KCNN2: variants seen among roughly 807,000 people sequenced by gnomAD.
KCNN2 encodes potassium calcium-activated channel subfamily N member 2.
A neutral mutation model predicts 55.5 loss-of-function variants in KCNN2; 24 were observed. The ratio of observed to expected loss-of-function variants is 0.43; its 90% CI spans 0.31 to 0.61. KCNN2 has a LOEUF of 0.61. KCNN2 is among the 20% of genes least tolerant of loss of function. The probability of loss-of-function intolerance (pLI) is 0.08; values close to 1 mark genes in which losing one functional copy is unlikely to be tolerated. For missense variants in KCNN2, 754 were observed against 853.6 expected (o/e 0.88, Z 1.45); for synonymous variants, 431 against 336.1 (o/e 1.28, Z -3.09).
In KCNN2 at chr5:114,471,626, G is replaced by A. The variant is rs1461901984; in HGVS notation, c.1780-1428G>A. Among the ~76,000 whole-genome samples, 5 of 152,148 alleles carry A rather than the reference G, an allele frequency of 3.3e-5. No homozygotes were observed. In the South Asian group the frequency reaches 8.3e-4, roughly 25 times the overall value. ...AATAATCATTTACTCTGCTTTAGTT[G>A]TCTCATCTCTAAAATCAGAAGGCTA... On this transcript the variant is annotated intron_variant, in intron 4 of 7. Transcript: ENST00000673685.
intron 1 of KCNN2, among the ~76,000 whole-genome samples, chr5:114,197,368 C>G (rs1753578955): frequency 6.6e-6 from 1 of 152,172 alleles, no homozygotes; most frequent in South Asian, 2.1e-4. Flanking sequence ...TTCAAGTCTT[C>G]TCTCTCCTTG....
chr5:114,402,538 C>A (rs145279487), intron 2 of KCNN2, among the ~76,000 whole-genome samples: 3 of 152,262 alleles, frequency 2.0e-5, no homozygotes, highest in African/African-American at 7.2e-5. Flanking sequence ...TGAAACATTG[C>A]TTTAGACACA....
intron 2 of KCNN2, among the ~76,000 whole-genome samples, chr5:114,373,729 A>G (rs1203636679): frequency 1.4e-5 from 2 of 140,870 alleles, no homozygotes; most frequent in African/African-American, 2.6e-5. Context: ...ATTGTTCACT[A>G]TTTTGGAGTT....
chr5:114,209,847 A>G (rs1180308964), intron 1 of KCNN2, among the ~76,000 whole-genome samples: 1 of 152,210 alleles, frequency 6.6e-6, no homozygotes, highest in South Asian at 2.1e-4. Context: ...CTCATTCTCT[A>G]ACTTAAATAC....
At chr5:114,092,740 C>G (rs1025226824) in intron 1 of KCNN2, among the ~76,000 whole-genome samples, 1 of 152,212 alleles carries the variant, frequency 6.6e-6, no homozygotes, top group African/African-American at 2.4e-5. Flanking sequence ...TTGTAAGCCA[C>G]CAAGGCTTAG....
intron 2 of KCNN2, among the ~76,000 whole-genome samples, chr5:114,283,617 T>C (rs188489158): frequency 1.4e-4 from 22 of 152,350 alleles, no homozygotes; most frequent in Admixed American, 1.4e-3. Flanking sequence ...CGTTGTTGCC[T>C]AAACATTTTG....
At chr5:114,202,587 T>TATATATA (rs1368706421) in intron 1 of KCNN2, among the ~76,000 whole-genome samples, 5 of 88,222 alleles carry the variant, frequency 5.7e-5, no homozygotes, top group African/African-American at 2.5e-4. Context: ...ATATATATAT[T>TATATATA]TTTTTTTTTT....
At chr5:114,378,043 T>C (rs1004354050) in intron 2 of KCNN2, among the ~76,000 whole-genome samples, 36 of 152,146 alleles carry the variant, frequency 2.4e-4, no homozygotes, top group African/African-American at 8.7e-4. Context: ...TGTGTCAAGG[T>C]AGCTGAAAGT....
chr5:114,202,603 C>G (rs1457687651), intron 1 of KCNN2, among the ~76,000 whole-genome samples: 1 of 37,924 alleles, frequency 2.6e-5, no homozygotes, highest in Non-Finnish European at 5.7e-5. Flanking sequence ...TTTTTTTTTC[C>G]CGAGACAGAG....
chr5:114,332,356 C>T (rs1756840213), intron 2 of KCNN2, among the ~76,000 whole-genome samples: 1 of 152,116 alleles, frequency 6.6e-6, no homozygotes, highest in Admixed American at 6.6e-5. Flanking sequence ...AAGAGAACTC[C>T]CCTCCAATAA....
At chr5:114,493,589 C>A in intron 7 of KCNN2, 117 bp downstream of exon 7, 1 of 708,620 alleles carries the variant, frequency 1.4e-6, no homozygotes, top group Admixed American at 2.3e-5. Context: ...TAAATCAAAC[C>A]AGCAAAGCAC....
chr5:114,440,535 G>T (rs867341870), intron 3 of KCNN2, among the ~76,000 whole-genome samples: 38 of 152,160 alleles, frequency 2.5e-4, no homozygotes, highest in Middle Eastern at 6.8e-3. Context: ...AACAAACAGG[G>T]TCTACAAATA....
intron 3 of KCNN2, among the ~76,000 whole-genome samples, chr5:114,443,691 T>G (rs1760298939): frequency 6.6e-6 from 1 of 152,262 alleles, no homozygotes; most frequent in Admixed American, 6.5e-5. Context: ...TTAGAAGCTC[T>G]TAAAATTTTT....
intron 3 of KCNN2, among the ~76,000 whole-genome samples, chr5:114,454,352 T>C (rs1364800332): frequency 6.6e-6 from 1 of 152,148 alleles, no homozygotes; most frequent in African/African-American, 2.4e-5. Flanking sequence ...TGCTGATCAT[T>C]TGCCATTCTC....
At chr5:114,306,705 T>C (rs1435639779) in intron 2 of KCNN2, among the ~76,000 whole-genome samples, 7 of 147,156 alleles carry the variant, frequency 4.8e-5, no homozygotes, top group African/African-American at 1.5e-4. Flanking sequence ...TTTTTCTTTT[T>C]TTTTTTTTTT....
intron 7 of KCNN2, 149 bp from the exon 8 acceptor site, chr5:114,495,746 G>A: frequency 4.3e-6 from 3 of 699,346 alleles, no homozygotes; most frequent in South Asian, 1.8e-5. Context: ...CATACAATGA[G>A]TTGGCTTTGC....
intron 1 of KCNN2, among the ~76,000 whole-genome samples, chr5:114,079,823 A>ATGTGTGTG (rs144581575): frequency 2.1e-4 from 31 of 147,468 alleles, no homozygotes; most frequent in African/African-American, 3.3e-4. Flanking sequence ...GATACTTAAT[A>ATGTGTGTG]TGTGTGTGTG....
intron 2 of KCNN2, among the ~76,000 whole-genome samples, chr5:114,376,258 G>A (rs13178324): frequency 0.26 from 40,094 of 151,946 alleles, 6,157 homozygotes; most frequent in Non-Finnish European, 0.35. Context: ...GAAGGAAAGG[G>A]GACATGTGTT....
Position 114,421,095 on chromosome 5 carries a change from C to A in KCNN2, c.1637+16239C>A, listed in dbSNP as rs548815376. ...AGCCTAATTTGTCTTAGCTACTTTT[C>A]GATCTATTTTGCGCATAGCCTTGGA... is the stretch of plus-strand genomic sequence containing the variant. On this transcript the variant is annotated intron_variant, in intron 3 of 7. Coordinates refer to ENST00000673685, the MANE Select transcript of KCNN2 (RefSeq NM_021614.4). Among the ~76,000 whole-genome samples the A allele has an allele frequency of 6.8e-4, 103 of 152,038 alleles. 1 individual carries two copies. The highest frequency in any genetic ancestry group is 6.7e-3 in the Admixed American group (102 of 15,282).
Sources: gnomAD v4.1 joint callset for allele counts (sites outside exome capture counted in the v4.1 genomes callset) on GRCh38, gnomAD v4.1.1 for gene constraint, MANE v1.5 for transcripts, NCBI Gene and HGNC (gene_info 2026-07-23, HGNC 2026-07-21) for gene names.